The following RBMXL1 variants were observed in gnomAD, a reference collection of about 807,000 sequenced individuals.
The protein encoded by RBMXL1 is RBMX like 1, also known as RNA binding motif protein, X-linked-like-1.
RBMXL1 carries 18 observed loss-of-function variants against 29.0 expected under a neutral mutation model. The ratio of observed to expected loss-of-function variants is 0.62; its 90% CI spans 0.43 to 0.92. The LOEUF (loss-of-function observed/expected upper bound fraction) is 0.92. Among genes scored for constraint, RBMXL1 ranks in the 40% least tolerant of loss-of-function variants. The pLI, the probability that RBMXL1 is intolerant of heterozygous loss-of-function variation, is 0.00. For synonymous variants in RBMXL1, 141 were observed against 170.4 expected (o/e 0.83, Z 1.34); for missense variants, 403 against 495.8 (o/e 0.81, Z 1.78).
In RBMXL1 at chr1:88,981,179, C is replaced by T. The variant is rs1281420323; in HGVS notation, c.*1475G>A. ...CAATTGTTTCCAGTGTGTTTGCCATCTTAGCATGGTTGTTACTTTCCAGAT... is the reference window on the plus strand; with the variant it reads ...CAATTGTTTCCAGTGTGTTTGCCATTTTAGCATGGTTGTTACTTTCCAGAT... On this transcript the variant is annotated 3_prime_UTR_variant, in exon 3 of 3. Transcript: ENST00000652648. 6.6e-6 allele frequency: 1 copy of T among 152,212 alleles called. No individual in the cohort carries two copies. Among genetic ancestry groups the T allele is most frequent in the African/African-American group, 2.4e-5 (1 of 41,452 alleles). 9.4% of individuals were successfully genotyped at this position (152,212 alleles called of 1,614,324 possible). A position where few individuals can be genotyped will look rare whatever the true frequency, so the allele number is the denominator to read the frequency against.
chr1:88,983,276 G>C lies in RBMXL1; in HGVS notation c.551C>G (p.Ser184Ter). The part of the protein sequence containing the change: ...SSGMGGRAPL[S>*]RGRDSYGGPP... The stretch of plus-strand genomic sequence containing the variant: ...ACCTCCATAACTATCTCTTCCACGT[G>C]ATAGAGGAGCTCTTCCTCCCATTCC... Residue 184 changes from serine (S) to a stop codon, truncating the protein, a stop_gained, in exon 3 of 3, where the codon TCA (serine) becomes TGA (stop). Transcript: ENST00000652648. LOFTEE classifies it high-confidence loss of function. The C allele has an allele frequency of 1.2e-6, 2 of 1,613,832 alleles. No individual in the cohort carries two copies. The highest frequency in any genetic ancestry group is 1.1e-5 in the South Asian group (1 of 91,066).
chr1:88,988,390 T>C (rs1041230515), intron 1 of RBMXL1, 39 bp from the exon 2 acceptor site: 3 of 1,200,448 alleles, frequency 2.5e-6, no homozygotes, highest in East Asian at 2.3e-5. Flanking sequence ...GGAATAAATA[T>C]ATGATGGGTA....
At chr1:88,988,391 A>C (rs1677594477) in intron 1 of RBMXL1, 40 bp from the exon 2 acceptor site, 1 of 1,199,082 alleles carries the variant, frequency 8.3e-7, no homozygotes, top group East Asian at 2.3e-5. Flanking sequence ...GAATAAATAT[A>C]TGATGGGTAC....
chr1:88,984,155 A>T, intron 2 of RBMXL1, 89 bp from the exon 3 acceptor site: 1 of 292,112 alleles, frequency 3.4e-6, no homozygotes, highest in Non-Finnish European at 6.6e-6. Context: ...AAATGCAATT[A>T]TATTAAGCTC....
chr1:88,987,895 T>C (rs1240969754), intron 2 of RBMXL1, among the ~76,000 whole-genome samples: 1 of 152,180 alleles, frequency 6.6e-6, no homozygotes, highest in Non-Finnish European at 1.5e-5. Context: ...CAGATGTACG[T>C]ATTGTATTTG....
Position 88,988,269 on chromosome 1 carries a change from C to T in RBMXL1, c.-258G>A, listed in dbSNP as rs764659077. ...ATACCTACAGCAGAAGTAGAGAATC[C>T]GAGGATTTTGGAAGAAGAAATTGTC... On this transcript the variant is annotated 5_prime_UTR_variant, in exon 2 of 3. Transcript: ENST00000652648. The T allele has an allele frequency of 2.7e-5, 43 of 1,612,420 alleles. No homozygotes were observed. The highest frequency in any genetic ancestry group is 2.3e-4 in the South Asian group (21 of 90,940).
chr1:88,991,755 T>G (rs968243698), intron 1 of RBMXL1, among the ~76,000 whole-genome samples: 4 of 152,260 alleles, frequency 2.6e-5, no homozygotes, highest in Non-Finnish European at 4.4e-5. Flanking sequence ...GCCTGGCTGA[T>G]AGCAGGAATT....
At position 88,982,603 on chromosome 1, in the gene RBMXL1, CTTTT is replaced by C. The variant is rs546599173; in HGVS notation, c.*47_*50del. 1 of 1,539,092 alleles carries C rather than the reference CTTTT, an allele frequency of 6.5e-7. No homozygotes were observed. On this transcript the variant is annotated 3_prime_UTR_variant, in exon 3 of 3. Coordinates refer to ENST00000652648, the MANE Select transcript of RBMXL1 (RefSeq NM_001162536.3). The stretch of plus-strand genomic sequence containing the variant: ...TAGTTATGATAGAATAGTTTCCACT[CTTTT>C]TTTTGTTTCTTTGAACTGGGATTTT...
At chr1:88,985,463 A>C (rs1677399436) in intron 2 of RBMXL1, among the ~76,000 whole-genome samples, 1 of 152,198 alleles carries the variant, frequency 6.6e-6, no homozygotes, top group African/African-American at 2.4e-5. Flanking sequence ...TCTGTGTTCA[A>C]TCCCTCACAC....
chr1:88,988,356 TAAATA>T lies in RBMXL1; in HGVS notation c.-340-10_-340-6del. 6.3e-7 allele frequency: 1 copy of T among 1,583,682 alleles called. No homozygotes were observed. On this transcript the variant is annotated splice_polypyrimidine_tract_variant and splice_region_variant and intron_variant, in intron 1 of 2. Coordinates refer to ENST00000652648, the MANE Select transcript of RBMXL1 (RefSeq NM_001162536.3). ...CTCCTCTGGGCCAAAAACATGCTAT[TAAATA>T]AAAGAAAAATTGAGAAGAGGAATAA...
chr1:88,981,213 T>A lies in RBMXL1; in HGVS notation c.*1441A>T, dbSNP rs1211714313. ...GTTGTTACTTTCCAGATGTCACTCA[T>A]AAGTTTTATTCTACAACTAAACTGT... is the stretch of plus-strand genomic sequence containing the variant. On this transcript the variant is annotated 3_prime_UTR_variant, in exon 3 of 3. Transcript: ENST00000652648. The A allele has an allele frequency of 1.3e-5, 2 of 152,256 alleles. No individual in the cohort carries two copies. The highest frequency in any genetic ancestry group is 2.9e-5 in the Non-Finnish European group (2 of 68,042). 9.4% of individuals were successfully genotyped at this position (152,256 alleles called of 1,614,324 possible). A position where few individuals can be genotyped will look rare whatever the true frequency, so the allele number is the denominator to read the frequency against.
rs1305655455 is a variant in RBMXL1, at chr1:88,979,621, G to A, written c.*3033C>T. ...ATGCTTACCAGCATTAGTCACCCGG[G>A]GAAATGAAAATAAAACCACAATGAG... On this transcript the variant is annotated 3_prime_UTR_variant, in exon 3 of 3. Transcript: ENST00000652648. 1.3e-5 allele frequency: 2 copies of A among 152,010 alleles called. No individual in the cohort carries two copies. The highest frequency in any genetic ancestry group is 3.9e-4 in the East Asian group (2 of 5,182). The allele number at this position is 152,010 out of a possible 1,614,324, so 9.4% of individuals were successfully genotyped here.
intron 2 of RBMXL1, among the ~76,000 whole-genome samples, chr1:88,984,355 C>T (rs554762983): frequency 9.1e-4 from 139 of 151,992 alleles, no homozygotes; most frequent in African/African-American, 3.3e-3. Flanking sequence ...GCTTGGATTA[C>T]CGGCATGCGC....
chr1:88,983,730 G>A lies in RBMXL1; in HGVS notation c.97C>T (p.Arg33Ter), dbSNP rs760882646. The change falls in exon 3 of 3, where the codon CGA becomes TGA. Residue 33 changes from arginine (R) to a stop codon, truncating the protein, a stop_gained. Coordinates refer to ENST00000652648, the MANE Select transcript of RBMXL1 (RefSeq NM_001162536.3). LOFTEE classifies it high-confidence loss of function. ...TTTATCAAGAGTACTTCCACTATTC[G>A]TCCATATTTGCCAAATACTGTTTCA... Reference protein sequence around the residue: ...ALETVFGKYGRIVEVLLIKDR... With the variant: ...ALETVFGKYG 3 of 1,613,966 alleles carry A rather than the reference G, an allele frequency of 1.9e-6. No homozygotes were observed. The highest frequency in any genetic ancestry group is 2.5e-6 in the Non-Finnish European group (3 of 1,179,914).
At position 88,979,853 on chromosome 1, in the gene RBMXL1, A is replaced by T. The variant is rs1412951447; in HGVS notation, c.*2801T>A. 2.6e-5 allele frequency: 4 copies of T among 152,240 alleles called. No individual in the cohort carries two copies. Among genetic ancestry groups the T allele is most frequent in the African/African-American group, 7.2e-5 (3 of 41,468 alleles). 9.4% of individuals were successfully genotyped at this position (152,240 alleles called of 1,614,324 possible). On this transcript the variant is annotated 3_prime_UTR_variant, in exon 3 of 3. Transcript: ENST00000652648. ...GAGAAAGGAAAACCTATGTCTACAC[A>T]GTGGCTTGTACACAAATGTTCCTAA... is the stretch of plus-strand genomic sequence containing the variant.
In RBMXL1 at chr1:88,982,560, C is replaced by A. The variant is rs1183584999; in HGVS notation, c.*94G>T. 3 of 1,473,620 alleles carry A rather than the reference C, an allele frequency of 2.0e-6. No individual in the cohort carries two copies. The African/African-American group carries it at 4.2e-5, about 21-fold the overall frequency. The allele number at this position is 1,473,620 out of a possible 1,614,324, so 91.3% of individuals were successfully genotyped here. Reference sequence around the variant, plus strand: ...TTTAAAAAAGGTAACACAATTTTTCCTTTTAGTAGTCCTTGGGTAGTTATG... The same window carrying A: ...TTTAAAAAAGGTAACACAATTTTTCATTTTAGTAGTCCTTGGGTAGTTATG... On this transcript the variant is annotated 3_prime_UTR_variant, in exon 3 of 3. Transcript: ENST00000652648.
At position 88,982,755 on chromosome 1, in the gene RBMXL1, A is replaced by G. The variant is rs2101082399; in HGVS notation, c.1072T>C (p.Ser358Pro). The part of the protein sequence containing the change: ...LPPSVERGYP[S>P]SRDSYSSSSR... ...GAACTGCTGTAGGAATCACGTGAAG[A>G]AGGGTACCCCCTTTCTACAGAAGGG... The change falls in exon 3 of 3, where the codon TCT becomes CCT. Residue 358 changes from serine to proline, a missense_variant. Transcript: ENST00000652648. The G allele has an allele frequency of 6.2e-7, 1 of 1,613,856 alleles. No homozygotes were observed. The highest frequency in any genetic ancestry group is 1.7e-5 in the Admixed American group (1 of 60,010).
rs1167715488 is a variant in RBMXL1, at chr1:88,982,368, C to A, written c.*286G>T. ...TGGGAAAAACCAGATAGGAAGTGGTCTTTAGGGACACCTTTACTTGGAAAG... is the reference window on the plus strand; with the variant it reads ...TGGGAAAAACCAGATAGGAAGTGGTATTTAGGGACACCTTTACTTGGAAAG... On this transcript the variant is annotated 3_prime_UTR_variant, in exon 3 of 3. Transcript: ENST00000652648. 3.9e-6 allele frequency: 3 copies of A among 762,154 alleles called. No homozygotes were observed. The highest frequency in any genetic ancestry group is 5.4e-6 in the Non-Finnish European group (3 of 557,018). 47.2% of individuals were successfully genotyped at this position (762,154 alleles called of 1,614,324 possible). A position where few individuals can be genotyped will look rare whatever the true frequency, so the allele number is the denominator to read the frequency against.
rs748095764 is a variant in RBMXL1, at chr1:88,983,024, C to T, written c.803G>A (p.Arg268His). ...TGGATGATCTGAATAGTCACGATCA[C>T]GACCATATCCATCTCTATCGCCATA... Reference protein sequence around the residue: ...RGYGDRDGYGRDRDYSDHPSG... With the variant: ...RGYGDRDGYGHDRDYSDHPSG... Residue 268 changes from arginine to histidine, a missense_variant, in exon 3 of 3, where the codon CGT (arginine) becomes CAT (histidine). Coordinates refer to ENST00000652648, the MANE Select transcript of RBMXL1 (RefSeq NM_001162536.3). 7 of 1,612,878 alleles carry T rather than the reference C, an allele frequency of 4.3e-6. No homozygotes were observed. The highest frequency in any genetic ancestry group is 2.7e-5 in the African/African-American group (2 of 75,008).
Sources: allele counts gnomAD v4.1 joint callset (sites outside exome capture counted in the v4.1 genomes callset), GRCh38; gene constraint gnomAD v4.1.1; transcripts MANE v1.5; gene names NCBI Gene and HGNC (gene_info 2026-07-23, HGNC 2026-07-21).